PCDHGA6: variants seen among roughly 807,000 people sequenced by gnomAD.
The protein encoded by PCDHGA6 is protocadherin gamma subfamily A, 6, also known as protocadherin gamma-A6.
PCDHGA6 carries 41 observed loss-of-function variants against 60.6 expected under a neutral mutation model. The observed-to-expected ratio is 0.68, with a 90% CI of 0.53 to 0.88. The LOEUF (loss-of-function observed/expected upper bound fraction) is 0.88, where lower values mean the gene tolerates loss of function less well. Ranked by LOEUF, PCDHGA6 falls within the 40% of genes least tolerant of loss-of-function variation. The probability of loss-of-function intolerance (pLI) is 0.00; values close to 1 mark genes in which losing one functional copy is unlikely to be tolerated. For missense variants in PCDHGA6, 1,312 were observed against 1,203.0 expected, an observed-to-expected ratio of 1.09 and a Z score of -1.34; for synonymous variants, 594 against 524.4, an observed-to-expected ratio of 1.13 and a Z score of -1.81.
chr5:141,407,981 C>G, intron 1 of PCDHGA6: 4 of 770,010 alleles, frequency 5.2e-6, no homozygotes, highest in Non-Finnish European at 7.8e-6. Flanking sequence ...GCCGGGGATC[C>G]GTCAGCCTCT....
Position 141,490,481 on chromosome 5 carries a change from G to A in PCDHGA6, c.2425-4326G>A, listed in dbSNP as rs771164683. 8.7e-6 allele frequency: 14 copies of A among 1,614,060 alleles called. No homozygotes were observed. The highest frequency in any genetic ancestry group is 4.0e-5 in the African/African-American group (3 of 74,928). ...CTGCTAACCAGCCAGCCTTTGGACCGGGAGGCCACATCCCACTATATCATC... is the reference window on the plus strand; with the variant it reads ...CTGCTAACCAGCCAGCCTTTGGACCAGGAGGCCACATCCCACTATATCATC... On this transcript the variant is annotated intron_variant, in intron 1 of 3. Transcript: ENST00000517434. The surrounding 1 kb of genome is among the most constrained non-coding windows in gnomAD (Gnocchi z 5.4).
intron 1 of PCDHGA6, among the ~76,000 whole-genome samples, chr5:141,442,846 C>T (rs1489647686): frequency 2.6e-5 from 4 of 152,234 alleles, no homozygotes; most frequent in Non-Finnish European, 4.4e-5. Context: ...AAATCTTGGC[C>T]ATTGTAGTAT....
chr5:141,499,932 C>A (rs1169727162), intron 2 of PCDHGA6, among the ~76,000 whole-genome samples: 1 of 152,076 alleles, frequency 6.6e-6, no homozygotes, highest in Non-Finnish European at 1.5e-5. Context: ...AAGTGATCCA[C>A]CCTCCTCGGC....
intron 1 of PCDHGA6, among the ~76,000 whole-genome samples, chr5:141,439,406 C>T (rs2098110611): frequency 6.6e-6 from 1 of 152,190 alleles, no homozygotes; most frequent in Non-Finnish European, 1.5e-5. Flanking sequence ...CATGTGCTAA[C>T]ATCACTGAGG....
rs200524415 is a variant in PCDHGA6, at chr5:141,487,436, G to C, written c.2425-7371G>C. 1 of 1,614,176 alleles carries C rather than the reference G, an allele frequency of 6.2e-7. No individual in the cohort carries two copies. Among genetic ancestry groups the C allele is most frequent in the East Asian group, 2.2e-5 (1 of 44,870 alleles). ...CAATGGGATCCTCCGAATCCAGCTAGGGTCAGATGACCCTATCAAGTTTGT... is the reference window on the plus strand; with the variant it reads ...CAATGGGATCCTCCGAATCCAGCTACGGTCAGATGACCCTATCAAGTTTGT... On this transcript the variant is annotated intron_variant, in intron 1 of 3. Coordinates refer to ENST00000517434, the MANE Select transcript of PCDHGA6 (RefSeq NM_018919.3). This position sits in a 1 kb window ranked among gnomAD's most constrained non-coding sequence, Gnocchi z 5.0.
chr5:141,508,535 C>A (rs1294413041), intron 3 of PCDHGA6, among the ~76,000 whole-genome samples: 1 of 152,172 alleles, frequency 6.6e-6, no homozygotes, highest in Non-Finnish European at 1.5e-5. Context: ...GGGCACCCCC[C>A]ACGAGGTGGG....
chr5:141,414,283 G>A, intron 1 of PCDHGA6: 1 of 1,613,520 alleles, frequency 6.2e-7, no homozygotes, highest in South Asian at 1.1e-5. Flanking sequence ...GGGAACAGTC[G>A]TAGCCCTTTT....
chr5:141,379,104 A>C (rs955091727), intron 1 of PCDHGA6: 1 of 152,246 alleles, frequency 6.6e-6, no homozygotes, highest in Admixed American at 6.5e-5. Flanking sequence ...AGAAAAAAGC[A>C]ATTGAGAAGA....
Position 141,477,964 on chromosome 5 carries a change from G to T in PCDHGA6, c.2425-16843G>T, listed in dbSNP as rs2099426491. On this transcript the variant is annotated intron_variant, in intron 1 of 3. Coordinates refer to ENST00000517434, the MANE Select transcript of PCDHGA6 (RefSeq NM_018919.3). The surrounding 1 kb of genome is among the most constrained non-coding windows in gnomAD (Gnocchi z 4.9). Reference sequence around the variant, plus strand: ...ACAGTCTCTTGGGATCCCCTAACCAGAGCCTTTTTGCCATAGGGCTGCACA... The same window carrying T: ...ACAGTCTCTTGGGATCCCCTAACCATAGCCTTTTTGCCATAGGGCTGCACA... 6.2e-7 allele frequency: 1 copy of T among 1,613,978 alleles called. No homozygotes were observed. The highest frequency in any genetic ancestry group is 1.1e-5 in the South Asian group (1 of 91,080).
chr5:141,441,918 C>A (rs1183933153), intron 1 of PCDHGA6: 8 of 351,246 alleles, frequency 2.3e-5, no homozygotes, highest in African/African-American at 1.1e-4. Flanking sequence ...ATGTGAGACA[C>A]AATGCGTGGC....
chr5:141,447,775 AT>A (rs1463090729), intron 1 of PCDHGA6, among the ~76,000 whole-genome samples: 2 of 152,212 alleles, frequency 1.3e-5, no homozygotes, highest in Non-Finnish European at 2.9e-5. Flanking sequence ...TTATACTTTA[AT>A]TGAAAATAAA....
intron 1 of PCDHGA6, chr5:141,408,637 T>C (rs766685548): frequency 4.3e-6 from 7 of 1,614,044 alleles, no homozygotes; most frequent in Non-Finnish European, 5.9e-6. Context: ...TTTTCGAATC[T>C]GCATCCGCTG....
chr5:141,464,913 A>AT (rs1366203949), intron 1 of PCDHGA6, among the ~76,000 whole-genome samples: 2 of 151,546 alleles, frequency 1.3e-5, no homozygotes, highest in South Asian at 4.2e-4. Flanking sequence ...TAATTTTTTT[A>AT]TTTTTTTGTA....
chr5:141,501,290 T>TACACACAC (rs55762287), intron 2 of PCDHGA6, among the ~76,000 whole-genome samples: 94 of 136,244 alleles, frequency 6.9e-4, no homozygotes, highest in Admixed American at 2.2e-3. Context: ...TATTCCCTTA[T>TACACACAC]ACACACACAC....
chr5:141,423,082 G>T (rs1390567548), intron 1 of PCDHGA6: 3 of 1,614,078 alleles, frequency 1.9e-6, no homozygotes, highest in Non-Finnish European at 2.5e-6. Context: ...GGGACTCTTC[G>T]CGGTGGGGGA....
chr5:141,505,523 G>A, intron 3 of PCDHGA6, 42 bp downstream of exon 3: 1 of 1,612,760 alleles, frequency 6.2e-7, no homozygotes, highest in Middle Eastern at 1.7e-4. Flanking sequence ...GGGAGACCTG[G>A]GGTTCTGGGG....
intron 1 of PCDHGA6, among the ~76,000 whole-genome samples, chr5:141,469,859 A>C (rs2099213257): frequency 6.6e-6 from 1 of 152,080 alleles, no homozygotes; most frequent in Non-Finnish European, 1.5e-5. Context: ...GACCGGGTGC[A>C]ATGGCTCACG....
Position 141,511,229 on chromosome 5 carries a change from T to G in PCDHGA6, c.*56T>G. 6.3e-7 allele frequency: 1 copy of G among 1,598,500 alleles called. No homozygotes were observed. Among genetic ancestry groups the G allele is most frequent in the Non-Finnish European group, 8.5e-7 (1 of 1,172,476 alleles). On this transcript the variant is annotated 3_prime_UTR_variant, in exon 4 of 4. Transcript: ENST00000517434. ...GCCTCTCCCCAACCAGCCCAGCTTC[T>G]CCTTACCTGCACCCAGGCCTCAGAG...
At position 141,490,293 on chromosome 5, in the gene PCDHGA6, ATTG is replaced by A; in HGVS notation, c.2425-4513_2425-4511del. The A allele has an allele frequency of 1.9e-6, 3 of 1,614,190 alleles. No individual in the cohort carries two copies. Among genetic ancestry groups the A allele is most frequent in the Non-Finnish European group, 2.5e-6 (3 of 1,180,028 alleles). On this transcript the variant is annotated intron_variant, in intron 1 of 3. Coordinates refer to ENST00000517434, the MANE Select transcript of PCDHGA6 (RefSeq NM_018919.3). The surrounding 1 kb of genome is among the most constrained non-coding windows in gnomAD (Gnocchi z 5.4). ...TCAATGACAATGCCCCAGAGGTGCTATTGGCCTCTTTGGCCAACCCTGTCCTAG... is the reference window on the plus strand; with the variant it reads ...TCAATGACAATGCCCCAGAGGTGCTAGCCTCTTTGGCCAACCCTGTCCTAG...
Sources: gnomAD v4.1 joint callset for allele counts (sites outside exome capture counted in the v4.1 genomes callset) on GRCh38, gnomAD v4.1.1 for gene constraint, Gnocchi (gnomAD v3.1) non-coding constraint, MANE v1.5 for transcripts, NCBI Gene and HGNC (gene_info 2026-07-23, HGNC 2026-07-21) for gene names.